MSN: variants seen among roughly 807,000 people sequenced by gnomAD.
The protein encoded by MSN is epididymis luminal protein 70.
A neutral mutation model predicts 48.0 loss-of-function variants in MSN; 2 were observed. That is an observed-to-expected ratio of 0.04 (90% CI 0.02 to 0.13). The LOEUF (loss-of-function observed/expected upper bound fraction) is 0.13. MSN is among the 10% of genes least tolerant of loss of function. MSN has a pLI of 1.00. For missense variants in MSN, 267 were observed against 470.1 expected, an observed-to-expected ratio of 0.57 and a Z score of 3.99; for synonymous variants, 146 against 166.9, an observed-to-expected ratio of 0.87 and a Z score of 0.97.
At chrX:65,656,265 C>CTGTGTGTGTGTG (rs3087113) in intron 1 of MSN, among the ~76,000 whole-genome samples, 11 of 92,820 alleles carry the variant, frequency 1.2e-4, no homozygotes, top group African/African-American at 3.8e-4. Flanking sequence ...AGATCTATGC[C>CTGTGTGTGTGTG]TGTGTGTGTG....
intron 1 of MSN, among the ~76,000 whole-genome samples, chrX:65,618,331 T>G (rs2070396915): frequency 9.0e-6 from 1 of 111,273 alleles, no homozygotes; most frequent in African/African-American, 3.3e-5. Flanking sequence ...ATTATTAATG[T>G]GTGGGAGTCT....
At chrX:65,676,082 TTC>T (rs1248364088) in intron 1 of MSN, among the ~76,000 whole-genome samples, 5 of 112,910 alleles carry the variant, frequency 4.4e-5, no homozygotes, top group African/African-American at 1.3e-4. Flanking sequence ...CAGCTTTTAA[TTC>T]TCTCATTGAC....
At chrX:65,672,782 G>T (rs1418388204) in intron 1 of MSN, among the ~76,000 whole-genome samples, 1 of 111,463 alleles carries the variant, frequency 9.0e-6, no homozygotes, top group African/African-American at 3.3e-5. Context: ...TAAACTCTAG[G>T]AATCCCTCCA....
chrX:65,609,743 C>G (rs760794532), intron 1 of MSN, among the ~76,000 whole-genome samples: 2 of 111,311 alleles, frequency 1.8e-5, no homozygotes, highest in African/African-American at 6.5e-5. Flanking sequence ...ATTAGCCGGG[C>G]GTGGTGGCAT....
At chrX:65,638,847 C>T (rs1401017853) in intron 1 of MSN, among the ~76,000 whole-genome samples, 4 of 112,700 alleles carry the variant, frequency 3.5e-5, no homozygotes, top group African/African-American at 9.7e-5. Flanking sequence ...AGCCACCACA[C>T]CCTGCCAGAA....
At chrX:65,668,757 T>C (rs2070900537) in intron 1 of MSN, among the ~76,000 whole-genome samples, 1 of 111,652 alleles carries the variant, frequency 9.0e-6, no homozygotes, top group Admixed American at 9.4e-5. Flanking sequence ...TAATGAGCTC[T>C]GCTTGCTTTT....
chrX:65,642,365 G>A (rs902261390), intron 1 of MSN, among the ~76,000 whole-genome samples: 7 of 109,194 alleles, frequency 6.4e-5, no homozygotes, highest in African/African-American at 2.0e-4. Context: ...GTGTGTGTGT[G>A]TGTGTGTGTG....
At chrX:65,595,741 T>A (rs1227363714) in intron 1 of MSN, among the ~76,000 whole-genome samples, 8 of 112,076 alleles carry the variant, frequency 7.1e-5, no homozygotes. Flanking sequence ...AATCAGAGGG[T>A]GTGTTTAGAT....
At chrX:65,637,145 G>A (rs2070610903) in intron 1 of MSN, among the ~76,000 whole-genome samples, 1 of 109,234 alleles carries the variant, frequency 9.2e-6, no homozygotes, top group Admixed American at 9.8e-5. Flanking sequence ...GTTCATGCCT[G>A]TAATCCCAGC....
At chrX:65,607,246 G>T (rs960480068) in intron 1 of MSN, among the ~76,000 whole-genome samples, 1 of 111,945 alleles carries the variant, frequency 8.9e-6, no homozygotes, top group Admixed American at 9.5e-5. Flanking sequence ...CACAAAGCTT[G>T]CCAGCTTACT....
intron 1 of MSN, among the ~76,000 whole-genome samples, chrX:65,621,197 G>A (rs1348158209): frequency 8.9e-6 from 1 of 111,857 alleles, no homozygotes; most frequent in East Asian, 2.8e-4. Context: ...TTACAGGCAT[G>A]AGCCTCCGTG....
Position 65,738,414 on chromosome X carries a change from G to A in MSN, c.1252-111G>A, listed in dbSNP as rs766314333. The A allele has an allele frequency of 2.2e-4, 121 of 557,286 alleles. No individual in the cohort carries two copies. In the African/African-American group the frequency reaches 2.6e-3, roughly 12 times the overall value. The allele number at this position is 557,286 out of a possible 1,213,427, so 45.9% of individuals were successfully genotyped here. A position where few individuals can be genotyped will look rare whatever the true frequency, so the allele number is the denominator to read the frequency against. On this transcript the variant is annotated intron_variant, in intron 10 of 12. Coordinates refer to ENST00000360270, the MANE Select transcript of MSN (RefSeq NM_002444.3). ...GGTAAAAGAGTCTCTGAGGCAGCAA[G>A]CAAGTGGAGCAGTAGGTCCCTTACT...
At chrX:65,642,977 C>G (rs2070669053) in intron 1 of MSN, among the ~76,000 whole-genome samples, 1 of 110,773 alleles carries the variant, frequency 9.0e-6, no homozygotes, top group African/African-American at 3.3e-5. Context: ...CCTAGCCACC[C>G]CATCCCACTC....
intron 1 of MSN, among the ~76,000 whole-genome samples, chrX:65,714,917 T>C (rs1216170390): frequency 8.9e-6 from 1 of 112,176 alleles, no homozygotes; most frequent in Non-Finnish European, 1.9e-5. Flanking sequence ...ACGTAGGTTT[T>C]CTTTGAGGGT....
intron 1 of MSN, among the ~76,000 whole-genome samples, chrX:65,684,305 G>A (rs763541118): frequency 1.0e-3 from 116 of 111,576 alleles, no homozygotes; most frequent in Non-Finnish European, 2.6e-4. Flanking sequence ...GTACAAATCC[G>A]TATTGTTCTG....
chrX:65,677,379 C>T (rs1269556192), intron 1 of MSN, among the ~76,000 whole-genome samples: 1 of 112,284 alleles, frequency 8.9e-6, no homozygotes, highest in Non-Finnish European at 1.9e-5. Context: ...CTGACTAATT[C>T]CTTTACAAAG....
intron 1 of MSN, among the ~76,000 whole-genome samples, chrX:65,637,623 T>C (rs771548449): frequency 1.1e-4 from 12 of 110,684 alleles, no homozygotes; most frequent in Non-Finnish European, 2.3e-4. Context: ...CCTTTGTTAA[T>C]TTCTCTGTCT....
At chrX:65,736,437 C>CT (rs773890199) in intron 8 of MSN, among the ~76,000 whole-genome samples, 1,315 of 92,308 alleles carry the variant, frequency 0.014, 26 homozygotes, top group African/African-American at 0.047. Flanking sequence ...ATTCCCCAGG[C>CT]TTTTTTTTTT....
intron 2 of MSN, among the ~76,000 whole-genome samples, chrX:65,722,103 AAAAG>A (rs2071522991): frequency 9.0e-6 from 1 of 111,632 alleles, no homozygotes; most frequent in Non-Finnish European, 1.9e-5. Context: ...AAAAAACGAT[AAAAG>A]AAAGAAACTT....
Sources: gnomAD v4.1 joint callset for allele counts (sites outside exome capture counted in the v4.1 genomes callset) on GRCh38, gnomAD v4.1.1 for gene constraint, MANE v1.5 for transcripts, NCBI Gene and HGNC (gene_info 2026-07-23, HGNC 2026-07-21) for gene names.